Variants in LHPP observed in about 807,000 individuals in gnomAD.
LHPP encodes phospholysine phosphohistidine inorganic pyrophosphate phosphatase.
LHPP carries 24 observed loss-of-function variants against 30.3 expected under a neutral mutation model. The ratio of observed to expected loss-of-function variants is 0.79; its 90% CI spans 0.57 to 1.11. The LOEUF is 1.11. LHPP is among the 50% of genes most tolerant of loss of function. LHPP has a pLI of 0.00. For synonymous variants in LHPP, 150 were observed against 157.1 expected (o/e 0.95, Z 0.34); for missense variants, 356 against 367.2 (o/e 0.97, Z 0.25).
intron 6 of LHPP, among the ~76,000 whole-genome samples, chr10:124,577,169 G>GGCCA (rs1414731625): frequency 6.6e-6 from 1 of 152,164 alleles, no homozygotes; most frequent in Admixed American, 6.6e-5. Context: ...CCAGGAGAAG[G>GGCCA]GCCAGGTAGG....
intron 5 of LHPP, among the ~76,000 whole-genome samples, chr10:124,506,914 T>G (rs116964359): frequency 6.9e-3 from 37 of 5,326 alleles, no homozygotes; most frequent in Admixed American, 8.8e-3. Flanking sequence ...GATTTCAGGT[T>G]GGGGGGTAGA....
intron 5 of LHPP, among the ~76,000 whole-genome samples, chr10:124,503,843 G>A (rs1368818643): frequency 6.7e-6 from 1 of 149,678 alleles, no homozygotes; most frequent in Non-Finnish European, 1.5e-5. Flanking sequence ...AAAATAATGT[G>A]TTTTATATAT....
At chr10:124,567,357 G>A (rs988546512) in intron 6 of LHPP, among the ~76,000 whole-genome samples, 48 of 152,330 alleles carry the variant, frequency 3.2e-4, no homozygotes, top group African/African-American at 1.0e-3. Context: ...CCAGGGCTGC[G>A]GGCATCATAT....
At chr10:124,506,124 C>T (rs1954057011) in intron 5 of LHPP, among the ~76,000 whole-genome samples, 1 of 152,234 alleles carries the variant, frequency 6.6e-6, no homozygotes, top group East Asian at 1.9e-4. Flanking sequence ...TGGCACATGC[C>T]TGTGGTCCCA....
chr10:124,506,592 C>T (rs1263940906), intron 5 of LHPP, among the ~76,000 whole-genome samples: 4 of 149,994 alleles, frequency 2.7e-5, no homozygotes, highest in African/African-American at 4.9e-5. Context: ...TGCTCTTTGC[C>T]ATAGCCCAAC....
intron 2 of LHPP, among the ~76,000 whole-genome samples, 185 bp downstream of exon 2, chr10:124,484,511 G>A (rs1953257350): frequency 1.3e-5 from 2 of 151,972 alleles, no homozygotes; most frequent in African/African-American, 4.8e-5. Context: ...TTAGGACCCA[G>A]CTCTGTCCAT....
chr10:124,474,406 T>A (rs960090094), intron 1 of LHPP, among the ~76,000 whole-genome samples: 5 of 152,072 alleles, frequency 3.3e-5, no homozygotes, highest in Admixed American at 3.3e-4. Flanking sequence ...TCCCAAAGTG[T>A]TGGGATTACA....
intron 1 of LHPP, among the ~76,000 whole-genome samples, chr10:124,471,312 G>A (rs1325475097): frequency 3.4e-5 from 5 of 147,618 alleles, no homozygotes; most frequent in Admixed American, 7.1e-5. Context: ...GCAGGTCCCC[G>A]GGCCAGGAGT....
chr10:124,523,670 TG>T lies in LHPP; in HGVS notation c.716+6401del, dbSNP rs1343739504. Among the ~76,000 whole-genome samples, 1 of 152,190 alleles carries T rather than the reference TG, an allele frequency of 6.6e-6. No individual in the cohort carries two copies. The highest frequency in any genetic ancestry group is 1.9e-4 in the East Asian group (1 of 5,200). ...GCAAGCAGGGGGGTCCAGGCTGTGGTGGCCCTGGTCAGCCTTCCAGGAGTCA... is the reference window on the plus strand; with the variant it reads ...GCAAGCAGGGGGGTCCAGGCTGTGGTGCCCTGGTCAGCCTTCCAGGAGTCA... On this transcript the variant is annotated intron_variant, in intron 6 of 6. Transcript: ENST00000368842. This position sits in a 1 kb window ranked among gnomAD's most constrained non-coding sequence, Gnocchi z 4.2.
At chr10:124,499,740 T>TG (rs757232261) in intron 5 of LHPP, among the ~76,000 whole-genome samples, 5 of 151,974 alleles carry the variant, frequency 3.3e-5, no homozygotes, top group Non-Finnish European at 2.9e-5. Flanking sequence ...AAGCATGGGT[T>TG]GGGGGTCCCT....
chr10:124,610,311 CGGGTG>C (rs1949155346), intron 6 of LHPP, among the ~76,000 whole-genome samples: 1 of 140,634 alleles, frequency 7.1e-6, no homozygotes, highest in Admixed American at 6.9e-5. Context: ...GGAGCGGGTG[CGGGTG>C]TGGGTGCGGG....
At chr10:124,494,351 C>T (rs1953634640) in intron 3 of LHPP, among the ~76,000 whole-genome samples, 1 of 152,128 alleles carries the variant, frequency 6.6e-6, no homozygotes, top group East Asian at 1.9e-4. Context: ...GGCCCAGAAG[C>T]CCCCAGAATC....
chr10:124,588,894 A>G (rs1387597063), intron 6 of LHPP, among the ~76,000 whole-genome samples: 3 of 152,122 alleles, frequency 2.0e-5, no homozygotes, highest in African/African-American at 7.2e-5. Flanking sequence ...TGCCCTGGGA[A>G]TGAGGAAGGA....
chr10:124,512,269 G>A (rs931749736), intron 5 of LHPP, among the ~76,000 whole-genome samples: 14 of 152,148 alleles, frequency 9.2e-5, no homozygotes, highest in African/African-American at 3.4e-4. Flanking sequence ...TCTCTGATGT[G>A]GTGAGATAGG....
chr10:124,568,076 G>T (rs993689855), intron 6 of LHPP, among the ~76,000 whole-genome samples: 1 of 152,002 alleles, frequency 6.6e-6, no homozygotes, highest in African/African-American at 2.4e-5. Context: ...ACCACGCCCG[G>T]CTAATTTTTT....
At chr10:124,612,717 C>A (rs1385675230) in intron 6 of LHPP, 2 of 154,208 alleles carry the variant, frequency 1.3e-5, no homozygotes, top group Non-Finnish European at 2.9e-5. Context: ...GAGCCCGGTG[C>A]CTCCTCTGTT....
chr10:124,548,814 G>A (rs2133955682), intron 6 of LHPP, among the ~76,000 whole-genome samples: 1 of 152,334 alleles, frequency 6.6e-6, no homozygotes, highest in Non-Finnish European at 1.5e-5. Context: ...AGCTTGTCTG[G>A]CAGAGCCTCA....
chr10:124,567,898 T>C (rs2133977357), intron 6 of LHPP, among the ~76,000 whole-genome samples: 1 of 152,326 alleles, frequency 6.6e-6, no homozygotes, highest in South Asian at 2.1e-4. Context: ...AGCTATATAA[T>C]ATTCCACGGT....
In LHPP at chr10:124,517,293, T is replaced by G; in HGVS notation, c.716+22T>G. Reference sequence around the variant, plus strand: ...TCAGGTCAGTGCCAGCTGGAGTCATTTATTCACCTTCCTTCCAGGGGATGA... The same window carrying G: ...TCAGGTCAGTGCCAGCTGGAGTCATGTATTCACCTTCCTTCCAGGGGATGA... On this transcript the variant is annotated intron_variant, in intron 6 of 6. Coordinates refer to ENST00000368842, the MANE Select transcript of LHPP (RefSeq NM_022126.4). This position sits in a 1 kb window ranked among gnomAD's most constrained non-coding sequence, Gnocchi z 4.1. The G allele has an allele frequency of 6.8e-7, 1 of 1,480,014 alleles. No homozygotes were observed. 91.7% of individuals were successfully genotyped at this position (1,480,014 alleles called of 1,614,324 possible).
Sources: gnomAD v4.1 joint callset for allele counts (sites outside exome capture counted in the v4.1 genomes callset) on GRCh38, gnomAD v4.1.1 for gene constraint, Gnocchi (gnomAD v3.1) non-coding constraint, MANE v1.5 for transcripts, NCBI Gene and HGNC (gene_info 2026-07-23, HGNC 2026-07-21) for gene names.